Variants in RP1 observed in about 807,000 individuals in gnomAD.
The protein encoded by RP1 is oxygen-regulated protein 1.
Under a neutral mutation model 14.8 loss-of-function variants are expected in RP1, and 16 were observed. The ratio of observed to expected loss-of-function variants is 1.08; its 90% CI spans 0.73 to 1.65. The LOEUF is 1.65. Ranked by LOEUF, RP1 falls within the 40% of genes most tolerant of loss-of-function variation. The probability of loss-of-function intolerance (pLI) is 0.00; values close to 1 mark genes in which losing one functional copy is unlikely to be tolerated. For synonymous variants in RP1, 876 were observed against 883.6 expected (o/e 0.99, Z 0.15); for missense variants, 2,631 against 2,535.0 (o/e 1.04, Z -0.81).
At chr8:54,858,403 A>T (rs1057434894) in intron 27 of RP1, among the ~76,000 whole-genome samples, 3 of 152,064 alleles carry the variant, frequency 2.0e-5, no homozygotes, top group Non-Finnish European at 1.5e-5. Flanking sequence ...ACTGTAGAGC[A>T]ATGCCACTGT....
chr8:54,566,839 G>A (rs1804419225), intron 1 of RP1, among the ~76,000 whole-genome samples: 1 of 152,180 alleles, frequency 6.6e-6, no homozygotes, highest in Non-Finnish European at 1.5e-5. Flanking sequence ...CCAACAACTA[G>A]TAACCCAGAG....
rs921308614 is a variant in RP1 at position 54,765,747 on chromosome 8, C to T, written c.3249-3994C>T. ...GGCCCAGGATAAAATGTTATCCATG[C>T]CATGAAGCTTTCTCTGCTTGCCCAG... On this transcript the variant is annotated intron_variant, in intron 22 of 22. Coordinates refer to the RP1 transcript ENST00000636932. Among the ~76,000 whole-genome samples the T allele has an allele frequency of 3.5e-4, 54 of 152,262 alleles. No individual in the cohort carries two copies. In the Middle Eastern group the frequency reaches 0.01, roughly 29 times the overall value.
chr8:54,559,624 C>A (rs1456814588), intron 1 of RP1, among the ~76,000 whole-genome samples: 3 of 152,166 alleles, frequency 2.0e-5, no homozygotes, highest in Non-Finnish European at 4.4e-5. Flanking sequence ...CAGATATCCT[C>A]ACGGCCTGTA....
intron 25 of RP1, among the ~76,000 whole-genome samples, chr8:54,843,034 T>C (rs1041936294): frequency 6.6e-5 from 10 of 152,116 alleles, no homozygotes; most frequent in African/African-American, 2.4e-4. Context: ...GCATCCCTTT[T>C]CTCTCTACGG....
intron 15 of RP1, among the ~76,000 whole-genome samples, chr8:54,707,305 G>C (rs1278833234): frequency 6.6e-6 from 1 of 151,966 alleles, no homozygotes; most frequent in East Asian, 1.9e-4. Context: ...TGTACTTTTT[G>C]TAGAGAGAGG....
chr8:54,663,902 T>A (rs576546401), intron 7 of RP1: 1 of 1,424,572 alleles, frequency 7.0e-7, no homozygotes, highest in Non-Finnish European at 9.2e-7. Flanking sequence ...TAAAAACACA[T>A]AAAATAAGAT....
chr8:54,631,020 A>G (rs1187420561), downstream of RP1, among the ~76,000 whole-genome samples: 3 of 152,214 alleles, frequency 2.0e-5, no homozygotes, highest in Non-Finnish European at 4.4e-5. Context: ...GCATGACTAT[A>G]TGATGATATA....
intron 4 of RP1, among the ~76,000 whole-genome samples, chr8:54,651,989 C>A (rs761919464): frequency 1.4e-5 from 2 of 147,578 alleles, no homozygotes; most frequent in African/African-American, 2.5e-5. Context: ...TTGTTGCTTA[C>A]GAGTATGTTC....
At chr8:54,837,826 C>T (rs1201972963) in intron 25 of RP1, among the ~76,000 whole-genome samples, 2 of 152,170 alleles carry the variant, frequency 1.3e-5, no homozygotes, top group African/African-American at 4.8e-5. Flanking sequence ...TCAACTCTGC[C>T]AGTGTAGTGA....
At position 54,656,172 on chromosome 8, in the gene RP1, T is replaced by C. The variant is rs1045944466; in HGVS notation, c.1128T>C (p.Cys376=). 5 of 1,535,776 alleles carry C rather than the reference T, an allele frequency of 3.3e-6. No homozygotes were observed. In the Admixed American group the frequency reaches 9.8e-5, roughly 30 times the overall value. Residue 376 remains cysteine (C), a synonymous_variant, in exon 6 of 23, where the codon TGT becomes TGC. Coordinates refer to the RP1 transcript ENST00000636932. ...GAGATCAAGAGGATGGGGAAATCTG[T>C]CGAGAATTTCCTCTTTTAAGTAAAG...
intron 16 of RP1, among the ~76,000 whole-genome samples, chr8:54,723,917 C>T (rs1270246571): frequency 6.6e-6 from 1 of 152,054 alleles, no homozygotes; most frequent in East Asian, 1.9e-4. Context: ...TAATTCCAGC[C>T]CAGTTTTATG....
At chr8:54,804,482 C>T (rs1810799477) in intron 24 of RP1, among the ~76,000 whole-genome samples, 1 of 151,784 alleles carries the variant, frequency 6.6e-6, no homozygotes, top group Non-Finnish European at 1.5e-5. Context: ...GGATAAAGCA[C>T]ATGAAAAATC....
chr8:54,675,831 G>C (rs925025276), intron 8 of RP1, among the ~76,000 whole-genome samples: 1 of 152,082 alleles, frequency 6.6e-6, no homozygotes, highest in African/African-American at 2.4e-5. Context: ...CTCACCATCT[G>C]TCTTACTTAG....
intron 14 of RP1, among the ~76,000 whole-genome samples, chr8:54,702,709 G>A (rs1198897077): frequency 1.3e-5 from 2 of 152,112 alleles, no homozygotes; most frequent in Non-Finnish European, 2.9e-5. Flanking sequence ...TCTATAGCAT[G>A]CAATGTTGTT....
chr8:54,592,890 AG>A (rs755689223), intron 1 of RP1, among the ~76,000 whole-genome samples: 6 of 152,142 alleles, frequency 3.9e-5, no homozygotes, highest in Admixed American at 6.5e-5. Flanking sequence ...AGAAAGCAAA[AG>A]TTTCTAGGAA....
At chr8:54,783,754 G>GAT in intron 24 of RP1, 1 of 1,141,640 alleles carries the variant, frequency 8.8e-7, no homozygotes, top group South Asian at 4.5e-5. Context: ...GATATATTGT[G>GAT]ATATACATCC....
At chr8:54,863,739 A>G (rs1296246057) in intron 27 of RP1, among the ~76,000 whole-genome samples, 1 of 152,238 alleles carries the variant, frequency 6.6e-6, no homozygotes, top group African/African-American at 2.4e-5. Context: ...CCCAAACAGC[A>G]TAGTTCAAAT....
chr8:54,741,682 T>C (rs961370873), intron 19 of RP1, among the ~76,000 whole-genome samples: 1 of 141,408 alleles, frequency 7.1e-6, no homozygotes, highest in Non-Finnish European at 1.5e-5. Context: ...ACCTTAAATA[T>C]GTACATATAA....
At chr8:54,800,080 T>C (rs962191549) in intron 24 of RP1, among the ~76,000 whole-genome samples, 6 of 152,144 alleles carry the variant, frequency 3.9e-5, no homozygotes, top group African/African-American at 1.4e-4. Flanking sequence ...CTTTATTTAT[T>C]CTTCATTTTT....
Sources: allele counts gnomAD v4.1 joint callset (sites outside exome capture counted in the v4.1 genomes callset), GRCh38; gene constraint gnomAD v4.1.1; transcripts MANE v1.5; gene names NCBI Gene and HGNC (gene_info 2026-07-23, HGNC 2026-07-21).